Variants in RARB observed in about 807,000 individuals in gnomAD.
The protein encoded by RARB is HBV-activated protein.
RARB carries 17 observed loss-of-function variants against 51.9 expected under a neutral mutation model. That is an observed-to-expected ratio of 0.33 (90% confidence interval 0.22 to 0.49). The LOEUF (loss-of-function observed/expected upper bound fraction) is 0.49, where lower values mean the gene tolerates loss of function less well. RARB is among the 20% of genes least tolerant of loss of function. RARB has a pLI of 0.99. For synonymous variants in RARB, 215 were observed against 195.4 expected (o/e 1.10, Z -0.84); for missense variants, 369 against 550.8 (o/e 0.67, Z 3.30).
chr3:24,948,269 G>A (rs996760997), intron 2 of RARB, among the ~76,000 whole-genome samples: 10 of 152,186 alleles, frequency 6.6e-5, no homozygotes, highest in Admixed American at 6.5e-4. Flanking sequence ...AAAAGTCCAG[G>A]CAGAGGGGAG....
chr3:25,456,157 G>A (rs1694894338), intron 1 of RARB, among the ~76,000 whole-genome samples: 1 of 152,210 alleles, frequency 6.6e-6, no homozygotes, highest in South Asian at 2.1e-4. Context: ...CAAAATGTTT[G>A]AGGCCTCTCA....
intron 3 of RARB, among the ~76,000 whole-genome samples, chr3:25,108,452 A>C (rs1351964809): frequency 6.6e-5 from 10 of 152,148 alleles, no homozygotes; most frequent in Admixed American, 6.6e-4. Flanking sequence ...TCTTGATGTC[A>C]TCTGTATCCA....
chr3:24,988,336 T>G (rs1303793132), intron 2 of RARB, among the ~76,000 whole-genome samples: 2 of 152,204 alleles, frequency 1.3e-5, no homozygotes, highest in African/African-American at 2.4e-5. Context: ...AATGCAATGT[T>G]TCTGGTTCAT....
chr3:25,287,785 G>T (rs1370655263), intron 5 of RARB, among the ~76,000 whole-genome samples: 5 of 152,106 alleles, frequency 3.3e-5, no homozygotes, highest in Non-Finnish European at 7.4e-5. Flanking sequence ...ATCCAGGAAG[G>T]ATCCAAATAG....
intron 3 of RARB, among the ~76,000 whole-genome samples, chr3:25,096,314 T>A (rs1481044629): frequency 6.6e-6 from 1 of 152,082 alleles, no homozygotes; most frequent in African/African-American, 2.4e-5. Context: ...AACTGAGAAC[T>A]TGTATGGTGC....
chr3:24,907,478 A>T (rs1694891332), intron 2 of RARB, among the ~76,000 whole-genome samples: 6 of 152,122 alleles, frequency 3.9e-5, no homozygotes, highest in Non-Finnish European at 8.8e-5. Flanking sequence ...AAAAGGAATT[A>T]TTAGGTGTAT....
intron 2 of RARB, among the ~76,000 whole-genome samples, chr3:24,883,319 T>A (rs1703205907): frequency 6.6e-6 from 1 of 151,810 alleles, no homozygotes; most frequent in Non-Finnish European, 1.5e-5. Context: ...GATTCACATT[T>A]ACTTGGGCAT....
intron 2 of RARB, among the ~76,000 whole-genome samples, chr3:25,032,738 G>A (rs566772792): frequency 7.9e-5 from 12 of 152,270 alleles, no homozygotes; most frequent in African/African-American, 2.9e-4. Context: ...GGGGCAGGGA[G>A]GGTAATATGC....
rs535214855 is a variant in RARB, at chr3:25,422,150, T to C, written c.179-39043T>C. On this transcript the variant is annotated intron_variant, in intron 5 of 11. Coordinates refer to the RARB transcript ENST00000383772. ...GACTAACAGTTTCTGTTCATACATA[T>C]GATCTCAAAAAATGAAGTGCTGAAC... is the stretch of plus-strand genomic sequence containing the variant. Among the ~76,000 whole-genome samples the C allele has an allele frequency of 1.1e-3, 164 of 152,322 alleles. 1 individual carries two copies. The highest frequency in any genetic ancestry group is 3.7e-3 in the African/African-American group (154 of 41,574).
rs955734684 is a variant in RARB, at chr3:25,431,315, A to G, written c.157+2427A>G. Among the ~76,000 whole-genome samples, 4 of 152,108 alleles carry G rather than the reference A, an allele frequency of 2.6e-5. No homozygotes were observed. In the South Asian group the frequency reaches 6.2e-4, roughly 24 times the overall value. ...AATAAAGTAAGACCTTTGAACATGG[A>G]GCACACCATCACAAGCTCACTTTGA... On this transcript the variant is annotated intron_variant, in intron 1 of 7. Transcript: ENST00000330688.
intron 5 of RARB, among the ~76,000 whole-genome samples, chr3:25,286,333 C>A (rs1317110628): frequency 1.3e-5 from 2 of 152,134 alleles, no homozygotes; most frequent in African/African-American, 4.8e-5. Flanking sequence ...CGTGATCCAC[C>A]CGCCTTGGCC....
intron 5 of RARB, among the ~76,000 whole-genome samples, chr3:25,386,733 G>A (rs192253874): frequency 1.1e-3 from 173 of 152,248 alleles, no homozygotes; most frequent in Middle Eastern, 6.8e-3. Context: ...ATAAGGGGGC[G>A]ATTGTTTGGC....
chr3:25,134,092 C>G (rs543479391), intron 4 of RARB, among the ~76,000 whole-genome samples: 1 of 151,544 alleles, frequency 6.6e-6, no homozygotes, highest in South Asian at 2.1e-4. Context: ...GAGAAGTAAA[C>G]TAGTTGTATG....
chr3:24,888,396 C>G (rs1703304773), intron 2 of RARB, among the ~76,000 whole-genome samples: 1 of 152,010 alleles, frequency 6.6e-6, no homozygotes, highest in African/African-American at 2.4e-5. Flanking sequence ...TAGCCAGTTA[C>G]AGCTTTTATT....
chr3:25,489,984 G>A (rs1007988971), intron 2 of RARB, among the ~76,000 whole-genome samples: 6 of 152,266 alleles, frequency 3.9e-5, no homozygotes, highest in Non-Finnish European at 8.8e-5. Flanking sequence ...TGGAGCTTAA[G>A]TAATATTTTC....
chr3:25,226,648 G>A (rs1288800645), intron 5 of RARB, among the ~76,000 whole-genome samples: 2 of 152,130 alleles, frequency 1.3e-5, no homozygotes, highest in African/African-American at 4.8e-5. Flanking sequence ...TCTTCAAGCA[G>A]GTTGGCTGCT....
intron 2 of RARB, among the ~76,000 whole-genome samples, chr3:24,941,326 AATG>A (rs1199789434): frequency 6.6e-6 from 1 of 152,114 alleles, no homozygotes; most frequent in African/African-American, 2.4e-5. Context: ...GTAATTCTTA[AATG>A]ATATTTTAAT....
At chr3:24,982,484 C>G (rs181199802) in intron 2 of RARB, among the ~76,000 whole-genome samples, 18 of 152,222 alleles carry the variant, frequency 1.2e-4, no homozygotes, top group African/African-American at 3.4e-4. Flanking sequence ...TGGTCCTTCT[C>G]CAAGTGGAGT....
intron 5 of RARB, among the ~76,000 whole-genome samples, chr3:25,409,540 C>T (rs11716604): frequency 0.21 from 32,478 of 152,074 alleles, 3,700 homozygotes; most frequent in Admixed American, 0.32. Flanking sequence ...TCAGAGAGAA[C>T]GTGAAATCCC....
Sources: gnomAD v4.1 joint callset for allele counts (sites outside exome capture counted in the v4.1 genomes callset) on GRCh38, gnomAD v4.1.1 for gene constraint, MANE v1.5 for transcripts, NCBI Gene and HGNC (gene_info 2026-07-23, HGNC 2026-07-21) for gene names.